Variants in CCDC18 observed in about 807,000 individuals in gnomAD.
The protein encoded by CCDC18 is coiled-coil domain containing 18.
A neutral mutation model predicts 196.0 loss-of-function variants in CCDC18; 157 were observed. That is an observed-to-expected ratio of 0.80 (90% confidence interval 0.70 to 0.91). CCDC18 has a LOEUF of 0.91. Ranked by LOEUF, CCDC18 falls within the 40% of genes least tolerant of loss-of-function variation. The pLI is 0.00. For synonymous variants in CCDC18, 482 were observed against 529.2 expected, an observed-to-expected ratio of 0.91 and a Z score of 1.22; for missense variants, 1,465 against 1,611.6, an observed-to-expected ratio of 0.91 and a Z score of 1.56.
intron 6 of CCDC18, among the ~76,000 whole-genome samples, chr1:93,194,990 C>A (rs1652467978): frequency 6.6e-6 from 1 of 152,114 alleles, no homozygotes; most frequent in Non-Finnish European, 1.5e-5. Flanking sequence ...TCTTTCTCAG[C>A]TTCCTGAGTA....
chr1:93,239,117 G>A (rs984009189), intron 19 of CCDC18, among the ~76,000 whole-genome samples, 193 bp from the exon 20 acceptor site: 1 of 152,116 alleles, frequency 6.6e-6, no homozygotes, highest in Non-Finnish European at 1.5e-5. Context: ...TAGTAAAGTT[G>A]TATTTAGTGG....
At chr1:93,235,052 T>C (rs1659882400) in intron 18 of CCDC18, among the ~76,000 whole-genome samples, 1 of 150,906 alleles carries the variant, frequency 6.6e-6, no homozygotes, top group Non-Finnish European at 1.5e-5. Context: ...CTCGAACTCT[T>C]GGGCTTAAGA....
At chr1:93,241,622 T>G (rs1197264243) in intron 21 of CCDC18, among the ~76,000 whole-genome samples, 1 of 144,572 alleles carries the variant, frequency 6.9e-6, no homozygotes, top group East Asian at 2.0e-4. Flanking sequence ...CTCAGGAGGC[T>G]GAGGCAGGAG....
At chr1:93,210,772 G>A in intron 9 of CCDC18, 30 bp from the exon 10 acceptor site, 2 of 1,537,346 alleles carry the variant, frequency 1.3e-6, no homozygotes, top group Non-Finnish European at 8.9e-7. Flanking sequence ...ATTTACATAA[G>A]TTTACATATG....
At chr1:93,188,076 G>A (rs771570976) in intron 4 of CCDC18, among the ~76,000 whole-genome samples, 21 of 152,030 alleles carry the variant, frequency 1.4e-4, no homozygotes, top group African/African-American at 4.6e-4. Flanking sequence ...TTCTTTTTAG[G>A]ATATAAACAT....
intron 27 of CCDC18, among the ~76,000 whole-genome samples, chr1:93,268,130 CA>C (rs2101464142): frequency 6.6e-6 from 1 of 152,322 alleles, no homozygotes; most frequent in South Asian, 2.1e-4. Flanking sequence ...CACACATCTA[CA>C]ACCATCTGAT....
intron 24 of CCDC18, among the ~76,000 whole-genome samples, chr1:93,255,040 CT>C (rs1662767230): frequency 7.4e-6 from 1 of 134,836 alleles, no homozygotes; most frequent in African/African-American, 2.8e-5. Context: ...GCAACCTCTG[CT>C]TTCCGGGTTC....
chr1:93,221,697 A>G lies in CCDC18; in HGVS notation c.2051A>G (p.Gln684Arg), dbSNP rs768636825. 59 of 1,597,102 alleles carry G rather than the reference A, an allele frequency of 3.7e-5. No individual in the cohort carries two copies. Among genetic ancestry groups the G allele is most frequent in the Non-Finnish European group, 4.8e-5 (56 of 1,175,240 alleles). Reference sequence around the variant, plus strand: ...TTGCAACAAGATATAATATGCAAACAACATCATCTTGAATCACTAGATAGA... The same window carrying G: ...TTGCAACAAGATATAATATGCAAACGACATCATCTTGAATCACTAGATAGA... ...SMLQQDIICK[Q>R]HHLESLDRLL... is the part of the protein sequence containing the mutation. Residue 684 changes from glutamine to arginine, a missense_variant, in exon 15 of 29, where the codon CAA (glutamine) becomes CGA (arginine). By Grantham distance (43) the Gln-to-Arg change is conservative. Coordinates refer to ENST00000690025, the MANE Select transcript of CCDC18 (RefSeq NM_001378204.1).
At chr1:93,180,711 C>T (rs1299328360), upstream of CCDC18, 2 of 1,357,650 alleles carry the variant, frequency 1.5e-6, no homozygotes, top group Non-Finnish European at 2.0e-6. Context: ...CGCGTCCCAA[C>T]GGCTCCCGCG....
chr1:93,263,732 A>C (rs1236927000), intron 26 of CCDC18, among the ~76,000 whole-genome samples: 1 of 152,090 alleles, frequency 6.6e-6, no homozygotes, highest in African/African-American at 2.4e-5. Context: ...TCTGCCCATT[A>C]CCCAGTTCCA....
intron 28 of CCDC18, among the ~76,000 whole-genome samples, chr1:93,275,229 C>T (rs556063462): frequency 6.6e-6 from 1 of 152,158 alleles, no homozygotes; most frequent in East Asian, 1.9e-4. Flanking sequence ...TACCTCAGCC[C>T]CCTAAGTAGC....
intron 10 of CCDC18, 59 bp from the exon 11 acceptor site, chr1:93,212,042 G>C: frequency 7.2e-7 from 1 of 1,390,504 alleles, no homozygotes; most frequent in African/African-American, 1.5e-5. Context: ...AAATAGTACA[G>C]TATGAGTTTT....
intron 18 of CCDC18, among the ~76,000 whole-genome samples, chr1:93,233,171 T>A (rs1222942188): frequency 1.3e-5 from 2 of 152,218 alleles, no homozygotes; most frequent in African/African-American, 4.8e-5. Flanking sequence ...TGAATACCTA[T>A]AATTTTTCCT....
intron 9 of CCDC18, among the ~76,000 whole-genome samples, chr1:93,210,286 T>C (rs2101976671): frequency 6.6e-6 from 1 of 152,378 alleles, no homozygotes; most frequent in African/African-American, 2.4e-5. Context: ...AAGGTGCATA[T>C]GCTAGTGTAG....
In CCDC18 at chr1:93,248,972, CAAA is replaced by C. The variant is rs71586786; in HGVS notation, c.3198+2038_3198+2040del. ...TGGGCGACAGAGTGAAACCCTGTCT[CAAA>C]AAAAAAAAAAAAAAAAAAATGTTCC... On this transcript the variant is annotated intron_variant, in intron 23 of 28. Transcript: ENST00000690025. 4.0e-3 allele frequency among the ~76,000 whole-genome samples: 385 copies of C among 95,724 alleles called. 1 individual carries two copies. Among genetic ancestry groups the C allele is most frequent in the African/African-American group, 9.4e-3 (257 of 27,434 alleles). 62.8% of individuals were successfully genotyped at this position (95,724 alleles called of 152,430 possible). A position where few individuals can be genotyped will look rare whatever the true frequency, so the allele number is the denominator to read the frequency against.
intron 27 of CCDC18, among the ~76,000 whole-genome samples, chr1:93,265,580 CTGTTTTGTTAAT>C (rs544671073): frequency 2.2e-4 from 34 of 152,264 alleles, no homozygotes; most frequent in Admixed American, 1.1e-3. Context: ...AACTCTACAA[CTGTTTTGTTAAT>C]TGTGATTTTA....
rs1310283038 is a variant in CCDC18 at position 93,183,985 on chromosome 1, C to T, written c.142C>T (p.Pro48Ser). ...TTTTTCTTTTTTCTCTAGTGTTAGT[C>T]CAAGTGAAAATTCTGATTATGCCCC... is the stretch of plus-strand genomic sequence containing the variant. ...SLGEELSSVS[P>S]SENSDYAPNP... Residue 48 changes from proline to serine, a missense_variant, in exon 3 of 29, where the codon CCA (proline) becomes TCA (serine). Transcript: ENST00000690025. 2 of 1,530,778 alleles carry T rather than the reference C, an allele frequency of 1.3e-6. No homozygotes were observed. The highest frequency in any genetic ancestry group is 3.6e-5 in the Admixed American group (2 of 55,464). 94.8% of individuals were successfully genotyped at this position (1,530,778 alleles called of 1,614,324 possible).
intron 9 of CCDC18, among the ~76,000 whole-genome samples, chr1:93,209,166 C>T (rs1250904686): frequency 6.6e-6 from 1 of 152,140 alleles, no homozygotes; most frequent in Non-Finnish European, 1.5e-5. Context: ...CCATGTTGGT[C>T]AGGCTGGTCT....
intron 17 of CCDC18, among the ~76,000 whole-genome samples, chr1:93,229,725 A>G (rs1658947817): frequency 1.3e-5 from 2 of 152,226 alleles, no homozygotes; most frequent in Admixed American, 6.5e-5. Flanking sequence ...TATATTTATG[A>G]TGAAAATAAT....
Sources: allele counts gnomAD v4.1 joint callset (sites outside exome capture counted in the v4.1 genomes callset), GRCh38; gene constraint gnomAD v4.1.1; transcripts MANE v1.5; gene names NCBI Gene and HGNC (gene_info 2026-07-23, HGNC 2026-07-21).